Variants in NDUFA8 observed in about 807,000 individuals in gnomAD.
The protein encoded by NDUFA8 is NADH dehydrogenase [ubiquinone] 1 alpha subcomplex subunit 8.
Under a neutral mutation model 20.9 loss-of-function variants are expected in NDUFA8, and 16 were observed. The observed-to-expected ratio is 0.77, with a 90% CI of 0.52 to 1.16. The LOEUF is 1.16. NDUFA8 is among the 50% of genes most tolerant of loss of function. NDUFA8 has a pLI of 0.00. For missense variants in NDUFA8, 202 were observed against 216.4 expected (o/e 0.93, Z 0.42); for synonymous variants, 70 against 76.1 (o/e 0.92, Z 0.41).
intron 2 of NDUFA8, among the ~76,000 whole-genome samples, chr9:122,149,752 G>A (rs978057977): frequency 6.6e-6 from 1 of 151,942 alleles, no homozygotes; most frequent in Non-Finnish European, 1.5e-5. Context: ...GAGGCCAGGA[G>A]TTCAAGACCA....
Position 122,152,419 on chromosome 9 carries a change from A to G in NDUFA8, c.52-11T>C. The stretch of plus-strand genomic sequence containing the variant: ...AGAACTAATTTTCACCTAGGAAAGG[A>G]AAGATGGGACAAAGGCCACAGACTG... On this transcript the variant is annotated splice_polypyrimidine_tract_variant and intron_variant, in intron 1 of 3. Coordinates refer to ENST00000373768, the MANE Select transcript of NDUFA8 (RefSeq NM_014222.3). 1.2e-6 allele frequency: 2 copies of G among 1,614,000 alleles called. No homozygotes were observed. The highest frequency in any genetic ancestry group is 1.7e-6 in the Non-Finnish European group (2 of 1,179,936).
At chr9:122,154,243 G>C (rs1055729174) in intron 1 of NDUFA8, among the ~76,000 whole-genome samples, 1 of 152,212 alleles carries the variant, frequency 6.6e-6, no homozygotes, top group Non-Finnish European at 1.5e-5. Context: ...ATAGTGTCTA[G>C]CACAAGTAGC....
intron 1 of NDUFA8, among the ~76,000 whole-genome samples, chr9:122,158,917 T>C (rs1156808419): frequency 6.6e-6 from 1 of 151,962 alleles, no homozygotes; most frequent in Non-Finnish European, 1.5e-5. Flanking sequence ...CTTGATCATG[T>C]TAGCTATAAT....
chr9:122,151,393 G>A (rs936762426), intron 2 of NDUFA8, among the ~76,000 whole-genome samples: 1 of 152,150 alleles, frequency 6.6e-6, no homozygotes, highest in African/African-American at 2.4e-5. Flanking sequence ...ATATGTATAC[G>A]AAGTCCGCCA....
At chr9:122,136,483 G>A in the NDUFA8 span, among the ~76,000 whole-genome samples, 2 of 152,150 alleles carry the variant, frequency 1.3e-5, no homozygotes, top group Non-Finnish European at 2.9e-5. Context: ...TTGCTGTTGA[G>A]GTTAAACATC....
chr9:122,144,064 T>C lies in NDUFA8; in HGVS notation c.*177A>G. On this transcript the variant is annotated 3_prime_UTR_variant, in exon 4 of 4. Transcript: ENST00000373768. ...ACATAATAAAATACAACCGTTTCCT[T>C]TAAAAATTTTAATGGACAGGAAATG... 1 of 1,461,650 alleles carries C rather than the reference T, an allele frequency of 6.8e-7. No homozygotes were observed. Among genetic ancestry groups the C allele is most frequent in the Non-Finnish European group, 9.0e-7 (1 of 1,112,066 alleles). The allele number at this position is 1,461,650 out of a possible 1,614,324, so 90.5% of individuals were successfully genotyped here. A position where few individuals can be genotyped will look rare whatever the true frequency, so the allele number is the denominator to read the frequency against.
In NDUFA8 at chr9:122,148,109, T is replaced by C. The variant is rs1344268745; in HGVS notation, c.381+3A>G. The C allele has an allele frequency of 3.1e-6, 5 of 1,613,992 alleles. No homozygotes were observed. The African/African-American group carries it at 5.3e-5, about 17-fold the overall frequency. On this transcript the variant is annotated splice_donor_region_variant and intron_variant, in intron 3 of 3. Coordinates refer to ENST00000373768, the MANE Select transcript of NDUFA8 (RefSeq NM_014222.3). ...GTGAGACCTCCAGCAGAAGCCTTTT[T>C]ACCTTTGACAGTTCTCCCAGGTCAG...
chr9:122,157,666 G>GGGGAA (rs1829094638), intron 1 of NDUFA8, among the ~76,000 whole-genome samples: 1 of 140,804 alleles, frequency 7.1e-6, no homozygotes, highest in African/African-American at 3.0e-5. Flanking sequence ...ACATGGGGTG[G>GGGGAA]GGGCAGGGGG....
At chr9:122,145,858 T>C (rs138389834) in intron 3 of NDUFA8, among the ~76,000 whole-genome samples, 1 of 152,316 alleles carries the variant, frequency 6.6e-6, no homozygotes, top group African/African-American at 2.4e-5. Flanking sequence ...TTAAAGACAT[T>C]TATGAAATTG....
chr9:122,135,115 G>A, the NDUFA8 span, among the ~76,000 whole-genome samples: 3 of 152,330 alleles, frequency 2.0e-5, no homozygotes, highest in South Asian at 6.2e-4. Context: ...CCTGTGGCTG[G>A]GGCTTTGTGT....
chr9:122,138,824 A>C, the NDUFA8 span, among the ~76,000 whole-genome samples: 1 of 125,022 alleles, frequency 8.0e-6, no homozygotes, highest in African/African-American at 3.0e-5. Flanking sequence ...AGGAGACAAA[A>C]TGTGAGCTGA....
chr9:122,152,717 A>C (rs1483885819), intron 1 of NDUFA8, among the ~76,000 whole-genome samples: 1 of 152,118 alleles, frequency 6.6e-6, no homozygotes, highest in African/African-American at 2.4e-5. Flanking sequence ...CACCTCGCCC[A>C]GCGATTCTTT....
At chr9:122,142,916 G>GA (rs376692953), downstream of NDUFA8, among the ~76,000 whole-genome samples, 832 of 152,058 alleles carry the variant, frequency 5.5e-3, 6 homozygotes, top group African/African-American at 0.019. Flanking sequence ...CTCAGCTATT[G>GA]AAAAAAATGC....
intron 3 of NDUFA8, among the ~76,000 whole-genome samples, chr9:122,146,537 A>C (rs186775278): frequency 1.7e-3 from 258 of 152,312 alleles, no homozygotes; most frequent in African/African-American, 5.9e-3. Context: ...TATAAAAGAC[A>C]AAAAAATTGC....
chr9:122,148,772 CTG>C (rs1433690614), intron 2 of NDUFA8, among the ~76,000 whole-genome samples: 1 of 152,112 alleles, frequency 6.6e-6, no homozygotes, highest in Non-Finnish European at 1.5e-5. Flanking sequence ...TAAAGACAAA[CTG>C]TACTCCACTC....
At chr9:122,153,886 A>C (rs1000627886) in intron 1 of NDUFA8, among the ~76,000 whole-genome samples, 5 of 152,230 alleles carry the variant, frequency 3.3e-5, no homozygotes, top group African/African-American at 1.2e-4. Context: ...TCACATCCTC[A>C]GAGAGCCTCT....
intron 1 of NDUFA8, among the ~76,000 whole-genome samples, chr9:122,156,031 A>T (rs1829071671): frequency 6.6e-6 from 1 of 152,236 alleles, no homozygotes; most frequent in Non-Finnish European, 1.5e-5. Context: ...GAACACAGAG[A>T]TTGTGACCTC....
chr9:122,135,069 AG>A, the NDUFA8 span, among the ~76,000 whole-genome samples: 3 of 152,224 alleles, frequency 2.0e-5, no homozygotes, highest in Admixed American at 2.0e-4. Context: ...CTGACTCAAC[AG>A]GGGGCCCCCG....
rs1828981987 is a variant in NDUFA8 at position 122,150,756 on chromosome 9, G to C, written c.215+1489C>G. Among the ~76,000 whole-genome samples, 3 of 151,994 alleles carry C rather than the reference G, an allele frequency of 2.0e-5. No individual in the cohort carries two copies. The South Asian group carries it at 6.2e-4, about 32-fold the overall frequency. On this transcript the variant is annotated intron_variant, in intron 2 of 3. Coordinates refer to ENST00000373768, the MANE Select transcript of NDUFA8 (RefSeq NM_014222.3). ...AGGCCAAGGAGAGCGGATCACTTGA[G>C]GTCAGGAGTTCAAGACCAGCCTGGC... is the stretch of plus-strand genomic sequence containing the variant.
Sources: gnomAD v4.1 joint callset for allele counts (sites outside exome capture counted in the v4.1 genomes callset) on GRCh38, gnomAD v4.1.1 for gene constraint, MANE v1.5 for transcripts, NCBI Gene and HGNC (gene_info 2026-07-23, HGNC 2026-07-21) for gene names.